The following CSMD2 variants were observed in gnomAD, a reference collection of about 807,000 sequenced individuals.
CSMD2 encodes the protein CUB and sushi domain-containing protein 2.
In CSMD2, 130 loss-of-function variants were observed where a neutral mutation model predicts 398.5. That is an observed-to-expected ratio of 0.33 (90% CI 0.28 to 0.38). CSMD2 has a LOEUF of 0.38. Among genes scored for constraint, CSMD2 ranks in the 10% least tolerant of loss-of-function variants. CSMD2 has a pLI of 1.00. For missense variants in CSMD2, 3,829 were observed against 4,764.9 expected (o/e 0.80, Z 5.78); for synonymous variants, 1,828 against 1,908.5 (o/e 0.96, Z 1.10).
At chr1:33,840,767 C>A (rs990207780) in intron 6 of CSMD2, among the ~76,000 whole-genome samples, 3 of 152,142 alleles carry the variant, frequency 2.0e-5, no homozygotes, top group Non-Finnish European at 4.4e-5. Context: ...CCCTGGGCTC[C>A]TGAGCCAAGC....
intron 64 of CSMD2, among the ~76,000 whole-genome samples, chr1:33,528,486 G>A (rs114434510): frequency 6.6e-6 from 1 of 152,228 alleles, no homozygotes; most frequent in Non-Finnish European, 1.5e-5. Flanking sequence ...GAATGCTGTG[G>A]AGAAAGTTTC....
intron 5 of CSMD2, among the ~76,000 whole-genome samples, chr1:33,907,226 C>A (rs1384116883): frequency 6.7e-6 from 1 of 148,750 alleles, no homozygotes; most frequent in African/African-American, 2.5e-5. Flanking sequence ...TTGCGCCATT[C>A]TCCTGCCTCA....
chr1:33,632,015 G>C (rs554588723), intron 32 of CSMD2, among the ~76,000 whole-genome samples: 2 of 151,914 alleles, frequency 1.3e-5, no homozygotes, highest in Non-Finnish European at 2.9e-5. Flanking sequence ...GGAAGAAATG[G>C]ATAAAAAGTC....
intron 29 of CSMD2, among the ~76,000 whole-genome samples, chr1:33,643,020 C>T (rs1643201691): frequency 1.3e-5 from 2 of 152,196 alleles, no homozygotes; most frequent in South Asian, 2.1e-4. Context: ...CCCCTTTCAC[C>T]TCCCTAAGCA....
chr1:33,719,738 T>C (rs548889198), intron 19 of CSMD2, among the ~76,000 whole-genome samples: 26 of 152,332 alleles, frequency 1.7e-4, no homozygotes, highest in African/African-American at 5.8e-4. Context: ...CACCTCAGGT[T>C]CCAGGTTCTT....
At chr1:33,967,804 TGAA>T (rs999331129) in intron 3 of CSMD2, among the ~76,000 whole-genome samples, 113 of 152,050 alleles carry the variant, frequency 7.4e-4, no homozygotes, top group Non-Finnish European at 3.4e-4. Context: ...CTCCAGTCTG[TGAA>T]GAAGAACCTC....
chr1:33,684,602 A>G (rs1290569029), intron 25 of CSMD2, among the ~76,000 whole-genome samples: 1 of 152,164 alleles, frequency 6.6e-6, no homozygotes, highest in East Asian at 1.9e-4. Flanking sequence ...CAGCCAATTT[A>G]TCCTCTGCAC....
At chr1:33,568,578 A>C (rs1249598596) in intron 52 of CSMD2, among the ~76,000 whole-genome samples, 1 of 152,234 alleles carries the variant, frequency 6.6e-6, no homozygotes, top group African/African-American at 2.4e-5. Context: ...TGAAACAACT[A>C]TGTAAAAACA....
intron 1 of CSMD2, among the ~76,000 whole-genome samples, chr1:34,121,602 G>A (rs1295063333): frequency 2.6e-5 from 4 of 152,142 alleles, no homozygotes; most frequent in Admixed American, 2.6e-4. Flanking sequence ...TAAGCTTCCA[G>A]GTGATACTGA....
At chr1:33,934,742 T>C (rs961048849) in intron 4 of CSMD2, among the ~76,000 whole-genome samples, 3 of 151,082 alleles carry the variant, frequency 2.0e-5, no homozygotes, top group African/African-American at 7.3e-5. Flanking sequence ...ATGCCTGTAA[T>C]CTCAGCACTT....
At chr1:33,621,711 A>G (rs1396855557) in intron 37 of CSMD2, among the ~76,000 whole-genome samples, 1 of 152,216 alleles carries the variant, frequency 6.6e-6, no homozygotes, top group Non-Finnish European at 1.5e-5. Flanking sequence ...GTGACCACTT[A>G]GGGATGCCAG....
Position 33,635,924 on chromosome 1 carries a change from C to T in CSMD2, c.4969+436G>A, listed in dbSNP as rs1642772826. ...TTAAAGCCCTGATACTCATTCCTAT[C>T]TCTCTTGTCAGGACCCCCATGGCTC... is the stretch of plus-strand genomic sequence containing the variant. On this transcript the variant is annotated intron_variant, in intron 30 of 70. Transcript: ENST00000373381. This position sits in a 1 kb window ranked among gnomAD's most constrained non-coding sequence, Gnocchi z 5.0. Among the ~76,000 whole-genome samples, 1 of 152,168 alleles carries T rather than the reference C, an allele frequency of 6.6e-6. No individual in the cohort carries two copies. Among genetic ancestry groups the T allele is most frequent in the African/African-American group, 2.4e-5 (1 of 41,436 alleles).
At chr1:33,995,493 G>A (rs906914432) in intron 3 of CSMD2, among the ~76,000 whole-genome samples, 2 of 152,170 alleles carry the variant, frequency 1.3e-5, no homozygotes, top group Admixed American at 6.5e-5. Flanking sequence ...AGGATCAAAA[G>A]CCAGTCTGGC....
chr1:33,985,674 T>C (rs1441478632), intron 3 of CSMD2, among the ~76,000 whole-genome samples: 2 of 152,192 alleles, frequency 1.3e-5, no homozygotes, highest in East Asian at 1.9e-4. Context: ...GGAGGTTAAG[T>C]AGGATAATGT....
intron 41 of CSMD2, 46 bp downstream of exon 41, chr1:33,610,995 A>G: frequency 1.3e-6 from 2 of 1,566,462 alleles, no homozygotes; most frequent in Non-Finnish European, 1.7e-6. Flanking sequence ...CTGGGGCAAG[A>G]GATGGAGATA....
At chr1:34,118,053 A>C (rs1661785717) in intron 1 of CSMD2, among the ~76,000 whole-genome samples, 1 of 152,064 alleles carries the variant, frequency 6.6e-6, no homozygotes, top group South Asian at 2.1e-4. Context: ...ATCTCTACTA[A>C]AAATAAAAAT....
chr1:33,589,571 C>T (rs572389933), intron 44 of CSMD2, among the ~76,000 whole-genome samples: 1 of 152,138 alleles, frequency 6.6e-6, no homozygotes, highest in African/African-American at 2.4e-5. Flanking sequence ...TTTTAACTGT[C>T]TATTAAAAGA....
At chr1:33,921,867 G>A (rs1418175702) in intron 4 of CSMD2, among the ~76,000 whole-genome samples, 1 of 152,186 alleles carries the variant, frequency 6.6e-6, no homozygotes, top group Non-Finnish European at 1.5e-5. Context: ...TGGTTTGGTG[G>A]CCAGGGAAGG....
At chr1:33,968,330 T>C (rs1233774066) in intron 3 of CSMD2, among the ~76,000 whole-genome samples, 1 of 152,182 alleles carries the variant, frequency 6.6e-6, no homozygotes, top group Non-Finnish European at 1.5e-5. Context: ...GCCCCCAAGG[T>C]GACTCCCAAC....
Sources: gnomAD v4.1 joint callset for allele counts (sites outside exome capture counted in the v4.1 genomes callset) on GRCh38, gnomAD v4.1.1 for gene constraint, Gnocchi (gnomAD v3.1) non-coding constraint, MANE v1.5 for transcripts, NCBI Gene and HGNC (gene_info 2026-07-23, HGNC 2026-07-21) for gene names.